Variants in PCDH9 observed in about 807,000 individuals in gnomAD.
The protein encoded by PCDH9 is protocadherin-9.
In PCDH9, 24 loss-of-function variants were observed where a neutral mutation model predicts 70.6. The ratio of observed to expected loss-of-function variants is 0.34; its 90% CI spans 0.25 to 0.48. PCDH9 has a LOEUF of 0.48. Among genes scored for constraint, PCDH9 ranks in the 20% least tolerant of loss-of-function variants. PCDH9 has a pLI of 0.99. For missense variants in PCDH9, 1,281 were observed against 1,503.6 expected (o/e 0.85, Z 2.45); for synonymous variants, 562 against 558.5 (o/e 1.01, Z -0.09).
At chr13:66,441,589 A>G (rs1471616738) in intron 4 of PCDH9, among the ~76,000 whole-genome samples, 1 of 152,128 alleles carries the variant, frequency 6.6e-6, no homozygotes, top group Non-Finnish European at 1.5e-5. Context: ...ACAGTGGTTT[A>G]TTTTGAAATT....
intron 2 of PCDH9, among the ~76,000 whole-genome samples, chr13:67,122,577 A>G (rs1251843838): frequency 6.6e-6 from 1 of 151,930 alleles, no homozygotes; most frequent in Non-Finnish European, 1.5e-5. Context: ...GATGGAGACC[A>G]TCTTGGCCAA....
chr13:67,092,388 G>GT (rs966900552), intron 2 of PCDH9, among the ~76,000 whole-genome samples: 92 of 123,114 alleles, frequency 7.5e-4, no homozygotes, highest in Non-Finnish European at 1.1e-3. Flanking sequence ...TCAATAACAT[G>GT]TTTTTTTTAT....
At chr13:66,653,733 C>T (rs897194429) in intron 3 of PCDH9, among the ~76,000 whole-genome samples, 1 of 151,830 alleles carries the variant, frequency 6.6e-6, no homozygotes, top group Non-Finnish European at 1.5e-5. Flanking sequence ...TTTGGGAGGC[C>T]GAGGTTGGCG....
chr13:66,677,350 A>G (rs2078257501), intron 3 of PCDH9, among the ~76,000 whole-genome samples: 1 of 152,180 alleles, frequency 6.6e-6, no homozygotes, highest in Non-Finnish European at 1.5e-5. Context: ...TTGCTCTTTC[A>G]AAATCTAGGA....
chr13:66,645,181 C>T (rs955244199), intron 3 of PCDH9, among the ~76,000 whole-genome samples: 4 of 151,942 alleles, frequency 2.6e-5, no homozygotes, highest in African/African-American at 4.8e-5. Context: ...ACCAATCAAA[C>T]GCAGCAGTTC....
At chr13:66,347,194 T>C (rs1231711766) in intron 4 of PCDH9, among the ~76,000 whole-genome samples, 2 of 152,226 alleles carry the variant, frequency 1.3e-5, no homozygotes, top group African/African-American at 2.4e-5. Flanking sequence ...TCTGGTTCAA[T>C]TGCATACCAA....
intron 3 of PCDH9, among the ~76,000 whole-genome samples, chr13:66,801,607 A>T (rs527730193): frequency 6.6e-6 from 1 of 152,196 alleles, no homozygotes; most frequent in Non-Finnish European, 1.5e-5. Flanking sequence ...ATTAAGGGGA[A>T]AATCTGCTTT....
At chr13:66,873,327 T>C (rs1265696837) in intron 3 of PCDH9, among the ~76,000 whole-genome samples, 1 of 152,200 alleles carries the variant, frequency 6.6e-6, no homozygotes, top group Non-Finnish European at 1.5e-5. Flanking sequence ...AAAATATGCA[T>C]AAGCTATTTT....
At chr13:66,960,028 G>T (rs1015460328) in intron 2 of PCDH9, among the ~76,000 whole-genome samples, 2 of 152,118 alleles carry the variant, frequency 1.3e-5, no homozygotes, top group Non-Finnish European at 2.9e-5. Flanking sequence ...ATTTTGACAC[G>T]AAGAAGAATA....
chr13:66,649,007 G>A (rs2077812474), intron 3 of PCDH9, among the ~76,000 whole-genome samples: 1 of 151,976 alleles, frequency 6.6e-6, no homozygotes, highest in African/African-American at 2.4e-5. Context: ...AAAATACACT[G>A]TCAGAAGAGA....
chr13:66,731,113 G>A (rs535187988), intron 3 of PCDH9, among the ~76,000 whole-genome samples: 16 of 151,882 alleles, frequency 1.1e-4, no homozygotes, highest in Non-Finnish European at 1.8e-4. Context: ...TGTAGATTTA[G>A]AAAAGAATCA....
chr13:66,542,024 C>A (rs757793322), intron 4 of PCDH9, among the ~76,000 whole-genome samples: 4 of 151,906 alleles, frequency 2.6e-5, no homozygotes, highest in Non-Finnish European at 5.9e-5. Flanking sequence ...AAAAGGCTTG[C>A]GCATATAGAT....
intron 2 of PCDH9, among the ~76,000 whole-genome samples, chr13:67,011,395 TACC>T (rs1204650612): frequency 3.9e-5 from 6 of 151,948 alleles, no homozygotes; most frequent in Non-Finnish European, 7.4e-5. Flanking sequence ...CTAAAATAAT[TACC>T]ACTTTTCTAA....
rs183200205 is a variant in PCDH9, at chr13:66,333,525, T to C, written c.3341-28497A>G. 4.6e-5 allele frequency among the ~76,000 whole-genome samples: 7 copies of C among 152,286 alleles called. No homozygotes were observed. In the East Asian group the frequency reaches 1.3e-3, roughly 29 times the overall value. On this transcript the variant is annotated intron_variant, in intron 4 of 4. Coordinates refer to ENST00000377865, the MANE Select transcript of PCDH9 (RefSeq NM_203487.3). Reference sequence around the variant, plus strand: ...TACCTCTGTGAAGGATAAAAATTACTTTAGATAGAAATTTTAAAATAGAAT... The same window carrying C: ...TACCTCTGTGAAGGATAAAAATTACCTTAGATAGAAATTTTAAAATAGAAT...
At chr13:67,193,258 C>G (rs1033491679) in intron 2 of PCDH9, among the ~76,000 whole-genome samples, 1 of 151,834 alleles carries the variant, frequency 6.6e-6, no homozygotes, top group Non-Finnish European at 1.5e-5. Context: ...GTCATAAGAT[C>G]TTCCCTTTCC....
rs116978914 is a variant in PCDH9 at position 66,354,843 on chromosome 13, A to G, written c.3341-49815T>C. Among the ~76,000 whole-genome samples the G allele has an allele frequency of 3.3e-5, 5 of 152,232 alleles. 1 individual carries two copies. The East Asian group carries it at 9.7e-4, about 29-fold the overall frequency. ...CTTGCCTCATTCAACTTTTGCCTGG[A>G]CAGACAAGGCAGACATTATTATCAC... On this transcript the variant is annotated intron_variant, in intron 4 of 4. Transcript: ENST00000377865.
intron 2 of PCDH9, among the ~76,000 whole-genome samples, chr13:66,997,166 A>C (rs1375489058): frequency 1.3e-5 from 2 of 151,172 alleles, no homozygotes; most frequent in Non-Finnish European, 2.9e-5. Context: ...CATTGCTATA[A>C]ACGAATACCT....
chr13:66,991,003 C>T (rs909862366), intron 2 of PCDH9: 2 of 151,858 alleles, frequency 1.3e-5, no homozygotes, highest in Non-Finnish European at 2.9e-5. Context: ...TTCCAGAAGG[C>T]TCATCTGAAT....
At chr13:66,971,028 C>G (rs2083512913) in intron 2 of PCDH9, among the ~76,000 whole-genome samples, 1 of 152,014 alleles carries the variant, frequency 6.6e-6, no homozygotes, top group Non-Finnish European at 1.5e-5. Context: ...TTGTGCAGAT[C>G]TGTGGCCATG....
Sources: allele counts gnomAD v4.1 joint callset (sites outside exome capture counted in the v4.1 genomes callset), GRCh38; gene constraint gnomAD v4.1.1; transcripts MANE v1.5; gene names NCBI Gene and HGNC (gene_info 2026-07-23, HGNC 2026-07-21).